The following PGCKA1 variants were observed in gnomAD, a reference collection of about 807,000 sequenced individuals.
PGCKA1 encodes the protein PDCD10 and GCKIII kinases associated 1.
the PGCKA1 span, among the ~76,000 whole-genome samples, chr4:37,466,057 T>C: frequency 6.6e-6 from 1 of 151,956 alleles, no homozygotes; most frequent in Admixed American, 6.5e-5. Context: ...GATGCAAGAG[T>C]GGGAGTGCCT....
At chr4:37,535,476 G>A in the PGCKA1 span, among the ~76,000 whole-genome samples, 1 of 152,166 alleles carries the variant, frequency 6.6e-6, no homozygotes, top group Non-Finnish European at 1.5e-5. Context: ...GGGGGCCACA[G>A]TGATCCTAAG....
At chr4:37,580,488 G>C in the PGCKA1 span, among the ~76,000 whole-genome samples, 4 of 152,026 alleles carry the variant, frequency 2.6e-5, no homozygotes. Context: ...TACATTAGAG[G>C]CACCCCAAGC....
the PGCKA1 span, among the ~76,000 whole-genome samples, chr4:37,499,894 G>A: frequency 7.7e-6 from 1 of 129,196 alleles, no homozygotes; most frequent in East Asian, 2.3e-4. Flanking sequence ...GTGATGTTAA[G>A]TTGTTAAACT....
At chr4:37,550,800 A>G in the PGCKA1 span, among the ~76,000 whole-genome samples, 1 of 152,196 alleles carries the variant, frequency 6.6e-6, no homozygotes, top group Non-Finnish European at 1.5e-5. Context: ...TGGAGGAACT[A>G]TAACAGGAGA....
chr4:37,579,864 C>A, the PGCKA1 span, among the ~76,000 whole-genome samples: 1 of 152,242 alleles, frequency 6.6e-6, no homozygotes, highest in Non-Finnish European at 1.5e-5. Flanking sequence ...AATAAGCTTT[C>A]TACCCCTATT....
the PGCKA1 span, among the ~76,000 whole-genome samples, chr4:37,509,229 G>T: frequency 1.1e-3 from 110 of 103,110 alleles, no homozygotes; most frequent in South Asian, 1.3e-3. Flanking sequence ...AGGCAGAGGG[G>T]CTCCTCACTT....
At chr4:37,497,666 A>T in the PGCKA1 span, among the ~76,000 whole-genome samples, 1 of 152,006 alleles carries the variant, frequency 6.6e-6, no homozygotes, top group East Asian at 1.9e-4. Context: ...TTTGTTGGCC[A>T]TTTGTATATC....
At chr4:37,569,978 C>CTT in the PGCKA1 span, among the ~76,000 whole-genome samples, 1 of 62,770 alleles carries the variant, frequency 1.6e-5, no homozygotes. Flanking sequence ...TGCATATAAT[C>CTT]CTTTTTTTTT....
At chr4:37,554,568 G>A in the PGCKA1 span, among the ~76,000 whole-genome samples, 5 of 152,196 alleles carry the variant, frequency 3.3e-5, no homozygotes, top group East Asian at 1.9e-4. Flanking sequence ...GGCTAGTCTC[G>A]AACTTCTGAC....
chr4:37,590,975 GAGA>G, the PGCKA1 span: 1 of 1,612,802 alleles, frequency 6.2e-7, no homozygotes, highest in South Asian at 1.1e-5. Context: ...GCTACTGCAG[GAGA>G]AGATTTGGAT....
the PGCKA1 span, among the ~76,000 whole-genome samples, chr4:37,559,395 G>A: frequency 1.5e-5 from 2 of 134,160 alleles, no homozygotes; most frequent in African/African-American, 2.9e-5. Context: ...ATTGAACAAT[G>A]AGAACACATG....
chr4:37,496,200 A>G, the PGCKA1 span, among the ~76,000 whole-genome samples: 2 of 152,166 alleles, frequency 1.3e-5, no homozygotes, highest in Non-Finnish European at 1.5e-5. Context: ...GCCTGTTCCT[A>G]TGTCCAAAAT....
chr4:37,568,943 T>C, the PGCKA1 span, among the ~76,000 whole-genome samples: 3 of 151,674 alleles, frequency 2.0e-5, no homozygotes, highest in East Asian at 5.9e-4. Flanking sequence ...AATTAATAAA[T>C]AAAAATAGCT....
At chr4:37,563,234 G>T in the PGCKA1 span, among the ~76,000 whole-genome samples, 11 of 152,118 alleles carry the variant, frequency 7.2e-5, no homozygotes, top group Admixed American at 4.6e-4. Flanking sequence ...ACTCTAGACT[G>T]GGTGGCTTAA....
chr4:37,546,971 C>T, the PGCKA1 span, among the ~76,000 whole-genome samples: 2 of 152,246 alleles, frequency 1.3e-5, no homozygotes, highest in Admixed American at 1.3e-4. Context: ...GGAAGTGTGG[C>T]CTGATCACCC....
At chr4:37,588,251 G>C in the PGCKA1 span, 1 of 152,438 alleles carries the variant, frequency 6.6e-6, no homozygotes, top group African/African-American at 2.4e-5. Flanking sequence ...ACAAATCATA[G>C]CTGAGATTGG....
At chr4:37,572,499 TTCTC>T in the PGCKA1 span, among the ~76,000 whole-genome samples, 30 of 152,354 alleles carry the variant, frequency 2.0e-4, no homozygotes, top group Non-Finnish European at 3.5e-4. Context: ...TGCTTTGTTG[TTCTC>T]TCTGTCTTTA....
At chr4:37,519,622 C>A in the PGCKA1 span, among the ~76,000 whole-genome samples, 131 of 152,180 alleles carry the variant, frequency 8.6e-4, no homozygotes, top group Non-Finnish European at 1.6e-3. Flanking sequence ...TTGTATCCTG[C>A]TGCAACTTTA....
chr4:37,489,935 G>C, the PGCKA1 span, among the ~76,000 whole-genome samples: 5 of 151,962 alleles, frequency 3.3e-5, no homozygotes, highest in Non-Finnish European at 7.4e-5. Context: ...TTGACCTTCT[G>C]AGATTGACTG....
Sources: allele counts gnomAD v4.1 joint callset (sites outside exome capture counted in the v4.1 genomes callset), GRCh38; gene constraint gnomAD v4.1.1; transcripts MANE v1.5; gene names NCBI Gene and HGNC (gene_info 2026-07-23, HGNC 2026-07-21).